The following DIS3 variants were observed in gnomAD, a reference collection of about 807,000 sequenced individuals.
DIS3 encodes the protein exosome complex exonuclease RRP44.
DIS3 carries 103 observed loss-of-function variants against 113.0 expected under a neutral mutation model. The observed-to-expected ratio is 0.91, with a 90% CI of 0.78 to 1.07. The LOEUF is 1.07. Ranked by LOEUF, DIS3 falls within the 50% of genes least tolerant of loss-of-function variation. The probability of loss-of-function intolerance (pLI) is 0.00; values close to 1 mark genes in which losing one functional copy is unlikely to be tolerated. For missense variants in DIS3, 1,121 were observed against 1,167.1 expected (o/e 0.96, Z 0.58); for synonymous variants, 402 against 394.3 (o/e 1.02, Z -0.23).
Position 72,781,695 on chromosome 13 carries a change from C to T in DIS3, c.138G>A (p.Pro46=). The change falls in exon 1 of 21, where the codon CCG becomes CCA. Residue 46 remains proline (P), a synonymous_variant. Transcript: ENST00000377767. ...CAACGGAHEG[P]ALEPQPQDPA... Reference sequence around the variant, plus strand: ...GGTCCTGGGGCTGCGGCTCCAGGGCCGGCCCCTCGTGCGCCCCTCCACACG... The same window carrying T: ...GGTCCTGGGGCTGCGGCTCCAGGGCTGGCCCCTCGTGCGCCCCTCCACACG... The T allele has an allele frequency of 1.3e-6, 2 of 1,559,234 alleles. No individual in the cohort carries two copies. Among genetic ancestry groups the T allele is most frequent in the African/African-American group, 2.7e-5 (2 of 73,560 alleles).
chr13:72,766,929 G>A (rs988954411), intron 14 of DIS3, among the ~76,000 whole-genome samples: 25 of 152,102 alleles, frequency 1.6e-4, no homozygotes, highest in Admixed American at 1.6e-3. Flanking sequence ...TTTATTAAAA[G>A]AACTATAGTA....
rs139751978 is a variant in DIS3 at position 72,775,403 on chromosome 13, C to A, written c.823-28G>T. On this transcript the variant is annotated intron_variant, in intron 5 of 20. Coordinates refer to ENST00000377767, the MANE Select transcript of DIS3 (RefSeq NM_014953.5). ...GTTTAAAACAACAGAGGGCACGTGCCCAAATTATTTTTAATGGCAATATAA... is the reference window on the plus strand; with the variant it reads ...GTTTAAAACAACAGAGGGCACGTGCACAAATTATTTTTAATGGCAATATAA... The A allele has an allele frequency of 6.8e-5, 105 of 1,550,040 alleles. No individual in the cohort carries two copies. In the Middle Eastern group the frequency reaches 1.7e-3, roughly 26 times the overall value.
Position 72,778,392 on chromosome 13 carries a change from G to GA in DIS3, c.387-13dup, listed in dbSNP as rs2034072728. On this transcript the variant is annotated splice_polypyrimidine_tract_variant and intron_variant, in intron 2 of 20. Coordinates refer to ENST00000377767, the MANE Select transcript of DIS3 (RefSeq NM_014953.5). Reference sequence around the variant, plus strand: ...CTACATAGGTTTCTCTAAATGGAAAGAAAAAACGAAATAAAAGGAAATCAG... The same window carrying GA: ...CTACATAGGTTTCTCTAAATGGAAAGAAAAAAACGAAATAAAAGGAAATCAG... 1 of 1,525,426 alleles carries GA rather than the reference G, an allele frequency of 6.6e-7. No homozygotes were observed. Among genetic ancestry groups the GA allele is most frequent in the East Asian group, 2.3e-5 (1 of 43,696 alleles). 94.5% of individuals were successfully genotyped at this position (1,525,426 alleles called of 1,614,324 possible). A position where few individuals can be genotyped will look rare whatever the true frequency, so the allele number is the denominator to read the frequency against.
rs138232255 is a variant in DIS3, at chr13:72,770,954, T to G, written c.1705A>C (p.Asn569His). ...AACTTCGTTTTTAAGATTTCAGCATTGTGATTCATTTCCCAAATACATGAA... is the reference window on the plus strand; with the variant it reads ...AACTTCGTTTTTAAGATTTCAGCATGGTGATTCATTTCCCAAATACATGAA... Reference protein sequence around the residue: ...AFSCIWEMNHNAEILKTKFTK... With the variant: ...AFSCIWEMNHHAEILKTKFTK... Residue 569 changes from asparagine (N) to histidine (H), a missense_variant, in exon 13 of 21, where the codon AAT becomes CAT. Physicochemically the swap from Asn to His is moderately conservative, Grantham distance 68. This residue lies in a region of DIS3 where 861 missense variants were observed against 915.5 expected (regional missense o/e 0.94). Coordinates refer to ENST00000377767, the MANE Select transcript of DIS3 (RefSeq NM_014953.5). 1.4e-5 allele frequency: 22 copies of G among 1,602,568 alleles called. No homozygotes were observed. The African/African-American group carries it at 2.7e-4, about 19-fold the overall frequency.
rs1391770885 is a variant in DIS3 at position 72,775,330 on chromosome 13, CT to C, written c.867del (p.Asp290IlefsTer14). On this transcript the variant is annotated frameshift_variant, in exon 6 of 21. Coordinates refer to ENST00000377767, the MANE Select transcript of DIS3 (RefSeq NM_014953.5). LOFTEE classifies it high-confidence loss of function. ...GLKHLNRAVH[E>X]DIVAVELLPK... is the part of the protein sequence containing the mutation. ...GGGAGAAGCTCCACAGCCACAATAT[CT>C]TCGTGAACAGCTCTGTTTAAATGTT... is the stretch of plus-strand genomic sequence containing the variant. 2 of 1,613,554 alleles carry C rather than the reference CT, an allele frequency of 1.2e-6. No homozygotes were observed. The highest frequency in any genetic ancestry group is 1.7e-5 in the Admixed American group (1 of 59,968).
At chr13:72,769,489 T>A (rs2033835091) in intron 13 of DIS3, among the ~76,000 whole-genome samples, 1 of 151,418 alleles carries the variant, frequency 6.6e-6, no homozygotes, top group Non-Finnish European at 1.5e-5. Context: ...ATCCATCATT[T>A]TTTTTCCTTT....
intron 15 of DIS3, among the ~76,000 whole-genome samples, chr13:72,763,906 T>C (rs1018861869): frequency 2.6e-5 from 4 of 152,118 alleles, no homozygotes; most frequent in African/African-American, 9.7e-5. Context: ...CCCAGCACTT[T>C]GGGAGGCCGA....
intron 2 of DIS3, among the ~76,000 whole-genome samples, chr13:72,780,547 A>T (rs991588952): frequency 6.6e-6 from 1 of 152,096 alleles, no homozygotes; most frequent in Non-Finnish European, 1.5e-5. Flanking sequence ...CTCATCTTCC[A>T]AGATTCTATG....
chr13:72,777,514 T>G, intron 3 of DIS3, 21 bp from the exon 4 acceptor site: 3 of 1,608,786 alleles, frequency 1.9e-6, no homozygotes, highest in Middle Eastern at 3.3e-4. Context: ...AAGTTTATGT[T>G]GTTTTTGATA....
At chr13:72,768,688 GTC>G in intron 14 of DIS3, 95 bp downstream of exon 14, 1 of 893,780 alleles carries the variant, frequency 1.1e-6, no homozygotes, top group Non-Finnish European at 1.6e-6. Context: ...AGAAACAGGA[GTC>G]TCTATTCACC....
chr13:72,781,189 A>G, intron 1 of DIS3, 186 bp from the exon 2 acceptor site: 2 of 1,467,930 alleles, frequency 1.4e-6, no homozygotes, highest in Admixed American at 3.9e-5. Context: ...TCTATTAAAA[A>G]AAGCACACTT....
At chr13:72,768,700 C>A in intron 14 of DIS3, 85 bp downstream of exon 14, 1 of 1,052,384 alleles carries the variant, frequency 9.5e-7, no homozygotes, top group Non-Finnish European at 1.3e-6. Context: ...CTCTATTCAC[C>A]CTTTTAAATA....
intron 13 of DIS3, among the ~76,000 whole-genome samples, chr13:72,769,755 T>A (rs1049046645): frequency 6.6e-6 from 1 of 152,238 alleles, no homozygotes; most frequent in African/African-American, 2.4e-5. Context: ...ATGGCTTAAA[T>A]AATTCACACA....
In DIS3 at chr13:72,773,725, C is replaced by A; in HGVS notation, c.1198G>T (p.Val400Phe). ...TTTCTGGGCCAACCATCAATAGCAACAATAATTCTCCGTCCTTCTAATGTG... is the reference window on the plus strand; with the variant it reads ...TTTCTGGGCCAACCATCAATAGCAAAAATAATTCTCCGTCCTTCTAATGTG... The part of the protein sequence containing the change: ...ASTLEGRRII[V>F]AIDGWPRNSR... Residue 400 changes from valine to phenylalanine, a missense_variant, in exon 8 of 21, where the codon GTT (valine) becomes TTT (phenylalanine). Physicochemically the swap from Val to Phe is conservative, Grantham distance 50 (BLOSUM62 -1). This residue lies in a region of DIS3 where 861 missense variants were observed against 915.5 expected (regional missense o/e 0.94). Transcript: ENST00000377767. The A allele has an allele frequency of 1.2e-6, 2 of 1,613,468 alleles. No homozygotes were observed. The highest frequency in any genetic ancestry group is 1.7e-6 in the Non-Finnish European group (2 of 1,179,864).
chr13:72,752,203 G>A lies in DIS3; in HGVS notation c.*7592C>T, dbSNP rs1035640633. ...GAGTTCTTTTATTTCCAGGCTGTGG[G>A]ATCTTAAGGCAAGATTTACATAGCA... is the stretch of plus-strand genomic sequence containing the variant. On this transcript the variant is annotated 3_prime_UTR_variant, in exon 21 of 21. Coordinates refer to ENST00000377767, the MANE Select transcript of DIS3 (RefSeq NM_014953.5). 1 of 152,176 alleles carries A rather than the reference G, an allele frequency of 6.6e-6. No individual in the cohort carries two copies. The highest frequency in any genetic ancestry group is 6.5e-5 in the Admixed American group (1 of 15,284). 9.4% of individuals were successfully genotyped at this position (152,176 alleles called of 1,614,324 possible).
chr13:72,772,210 A>G lies in DIS3; in HGVS notation c.1452T>C (p.Thr484=), dbSNP rs1301339065. Reference sequence around the variant, plus strand: ...GACAATGTAGAGCATCGTCTATATCAGTACATCCTGGTGGGTCTACACTAC... The same window carrying G: ...GACAATGTAGAGCATCGTCTATATCGGTACATCCTGGTGGGTCTACACTAC... ...CICSVDPPGC[T]DIDDALHCRE... is the part of the protein sequence containing the mutation. The change falls in exon 10 of 21, where the codon ACT becomes ACC. Residue 484 remains threonine (T), a synonymous_variant. Transcript: ENST00000377767. 6.2e-7 allele frequency: 1 copy of G among 1,613,490 alleles called. No homozygotes were observed.
At chr13:72,761,326 C>T in intron 19 of DIS3, 37 bp downstream of exon 19, 1 of 1,560,904 alleles carries the variant, frequency 6.4e-7, no homozygotes, top group South Asian at 1.2e-5. Context: ...GAAAAAGTGC[C>T]CCCCGGAAAA....
At position 72,778,316 on chromosome 13, in the gene DIS3, C is replaced by T; in HGVS notation, c.451G>A (p.Val151Ile). The change falls in exon 3 of 21, where the codon GTA becomes ATA. Residue 151 changes from valine (V) to isoleucine (I), a missense_variant. By Grantham distance (29) the Val-to-Ile change is conservative. Around this residue, in one of 3 missense-constraint regions of DIS3, gnomAD observed 254 missense variants for 232.2 expected, o/e 1.09. Coordinates refer to ENST00000377767, the MANE Select transcript of DIS3 (RefSeq NM_014953.5). ...TGTTCATTGTACCATTTTGCTGCTA[C>T]TCGAATCGCTCTATCATTCCTGTCA... ...ANDRNDRAIR[V>I]AAKWYNEHLK... The T allele has an allele frequency of 6.2e-7, 1 of 1,603,286 alleles. No individual in the cohort carries two copies. Among genetic ancestry groups the T allele is most frequent in the Non-Finnish European group, 8.5e-7 (1 of 1,172,072 alleles).
At position 72,753,039 on chromosome 13, in the gene DIS3, C is replaced by G. The variant is rs989780642; in HGVS notation, c.*6756G>C. ...AGTTAAGCTTTTTAAGCCTTAATTT[C>G]CTTCTCTAGTAAAGTATTAGGGTTG... On this transcript the variant is annotated 3_prime_UTR_variant, in exon 21 of 21. Coordinates refer to ENST00000377767, the MANE Select transcript of DIS3 (RefSeq NM_014953.5). The G allele has an allele frequency of 3.2e-4, 48 of 152,214 alleles. 3 individuals carry two copies. The highest frequency in any genetic ancestry group is 1.1e-3 in the African/African-American group (45 of 41,522). The allele number at this position is 152,214 out of a possible 1,614,324, so 9.4% of individuals were successfully genotyped here. A position where few individuals can be genotyped will look rare whatever the true frequency, so the allele number is the denominator to read the frequency against.
Sources: allele counts gnomAD v4.1 joint callset (sites outside exome capture counted in the v4.1 genomes callset), GRCh38; gene constraint gnomAD v4.1.1; regional missense constraint gnomAD v4.1.1; transcripts MANE v1.5; gene names NCBI Gene and HGNC (gene_info 2026-07-23, HGNC 2026-07-21).